Variants in SPDYA observed in about 807,000 individuals in gnomAD.
The protein encoded by SPDYA is speedy protein A.
A neutral mutation model predicts 36.7 loss-of-function variants in SPDYA; 11 were observed. The observed-to-expected ratio is 0.30, with a 90% CI of 0.19 to 0.50. The LOEUF (loss-of-function observed/expected upper bound fraction) is 0.50, where lower values mean the gene tolerates loss of function less well. Among genes scored for constraint, SPDYA ranks in the 20% least tolerant of loss-of-function variants. The pLI, the probability that SPDYA is intolerant of heterozygous loss-of-function variation, is 0.98. For missense variants in SPDYA, 287 were observed against 370.9 expected, an observed-to-expected ratio of 0.77 and a Z score of 1.86; for synonymous variants, 115 against 118.7, an observed-to-expected ratio of 0.97 and a Z score of 0.20.
chr2:28,829,384 T>C (rs1668416195), intron 6 of SPDYA, 65 bp downstream of exon 6: 3 of 1,508,420 alleles, frequency 2.0e-6, no homozygotes, highest in South Asian at 1.3e-5. Flanking sequence ...TATCCTTGTT[T>C]TTTAATGTGC....
At chr2:28,834,568 T>G (rs1668548076) in intron 6 of SPDYA, among the ~76,000 whole-genome samples, 1 of 152,192 alleles carries the variant, frequency 6.6e-6, no homozygotes. Context: ...TGGTTCAAGC[T>G]ACAACGCAGA....
chr2:28,827,295 T>C (rs575450530), intron 5 of SPDYA, among the ~76,000 whole-genome samples: 2 of 151,060 alleles, frequency 1.3e-5, no homozygotes, highest in Admixed American at 1.3e-4. Context: ...ATCATTTATT[T>C]AGACTTATCT....
Position 28,849,841 on chromosome 2 carries a change from T to G in SPDYA, c.851-9T>G, listed in dbSNP as rs948368941. On this transcript the variant is annotated splice_polypyrimidine_tract_variant and intron_variant, in intron 7 of 7. Coordinates refer to ENST00000334056, the MANE Select transcript of SPDYA (RefSeq NM_182756.4). ...TAAAATTTATCTTAAAATGCATATT[T>G]TATTTCAGTAGTCAATGACCATCAA... 6.8e-7 allele frequency: 1 copy of G among 1,473,868 alleles called. No homozygotes were observed. The highest frequency in any genetic ancestry group is 9.3e-7 in the Non-Finnish European group (1 of 1,077,868). 91.3% of individuals were successfully genotyped at this position (1,473,868 alleles called of 1,614,324 possible).
intron 3 of SPDYA, among the ~76,000 whole-genome samples, chr2:28,816,719 CTA>C (rs1667991918): frequency 6.6e-6 from 1 of 152,286 alleles, no homozygotes; most frequent in Non-Finnish European, 1.5e-5. Context: ...TAAAAATTAA[CTA>C]TGCTTTATCA....
At chr2:28,842,623 G>A (rs1437783024) in intron 7 of SPDYA, among the ~76,000 whole-genome samples, 1 of 152,156 alleles carries the variant, frequency 6.6e-6, no homozygotes, top group Non-Finnish European at 1.5e-5. Context: ...TATACAGGAA[G>A]GAACAAGTAT....
At chr2:28,827,873 T>C (rs1432620950) in intron 5 of SPDYA, among the ~76,000 whole-genome samples, 1 of 152,248 alleles carries the variant, frequency 6.6e-6, no homozygotes, top group African/African-American at 2.4e-5. Flanking sequence ...TTACAGTGCA[T>C]TGAAAGAATC....
At chr2:28,812,857 C>CAAAAA (rs70956047) in intron 1 of SPDYA, among the ~76,000 whole-genome samples, 9 of 84,022 alleles carry the variant, frequency 1.1e-4, no homozygotes, top group African/African-American at 3.5e-4. Context: ...AACTCCGTCT[C>CAAAAA]AAAAAAAAAA....
chr2:28,829,039 T>G (rs1346690310), intron 5 of SPDYA, 109 bp from the exon 6 acceptor site: 7 of 858,160 alleles, frequency 8.2e-6, no homozygotes, highest in Non-Finnish European at 1.1e-5. Context: ...TTAATTAACG[T>G]TGAACACCTT....
intron 2 of SPDYA, among the ~76,000 whole-genome samples, chr2:28,815,230 C>A (rs774410652): frequency 6.7e-6 from 1 of 149,288 alleles, no homozygotes; most frequent in Non-Finnish European, 1.5e-5. Context: ...TGCAGTGAGC[C>A]GTAATCATGC....
In SPDYA at chr2:28,811,374, TG is replaced by T. The variant is rs1558318485; in HGVS notation, c.-93+433del. On this transcript the variant is annotated intron_variant, in intron 1 of 7. Coordinates refer to ENST00000334056, the MANE Select transcript of SPDYA (RefSeq NM_182756.4). The surrounding 1 kb of genome is among the most constrained non-coding windows in gnomAD (Gnocchi z 4.2). The stretch of plus-strand genomic sequence containing the variant: ...CTTTATTGTGGGAGGAATGGAGATT[TG>T]GGGGGTCTTTTTGATAAATCCTACC... 6.6e-6 allele frequency among the ~76,000 whole-genome samples: 1 copy of T among 152,144 alleles called. No homozygotes were observed. Among genetic ancestry groups the T allele is most frequent in the East Asian group, 1.9e-4 (1 of 5,186 alleles).
At chr2:28,826,176 A>G (rs1422850431) in intron 5 of SPDYA, among the ~76,000 whole-genome samples, 1 of 151,962 alleles carries the variant, frequency 6.6e-6, no homozygotes, top group Non-Finnish European at 1.5e-5. Flanking sequence ...TTGCTCTGTC[A>G]CCCAGGCTGG....
In SPDYA at chr2:28,850,452, T is replaced by C. The variant is rs1381046512; in HGVS notation, c.*511T>C. The C allele has an allele frequency of 1.5e-6, 2 of 1,300,670 alleles. No individual in the cohort carries two copies. The highest frequency in any genetic ancestry group is 2.1e-6 in the Non-Finnish European group (2 of 931,416). 80.6% of individuals were successfully genotyped at this position (1,300,670 alleles called of 1,614,324 possible). ...ACTATAAGCTACATAAAATATTTTC[T>C]ATTTTTTTCACAAAACTGTTAAAAT... On this transcript the variant is annotated 3_prime_UTR_variant, in exon 8 of 8. Coordinates refer to ENST00000334056, the MANE Select transcript of SPDYA (RefSeq NM_182756.4).
intron 6 of SPDYA, among the ~76,000 whole-genome samples, chr2:28,836,677 T>C (rs1481596246): frequency 6.6e-6 from 1 of 152,182 alleles, no homozygotes; most frequent in Non-Finnish European, 1.5e-5. Context: ...CTCAATGAAA[T>C]TTTTTCCCCT....
At chr2:28,831,291 C>T (rs1399701349) in intron 6 of SPDYA, among the ~76,000 whole-genome samples, 2 of 152,126 alleles carry the variant, frequency 1.3e-5, no homozygotes, top group Non-Finnish European at 2.9e-5. Context: ...CCAGAAGATT[C>T]AGGCTGCAGT....
intron 6 of SPDYA, among the ~76,000 whole-genome samples, chr2:28,837,176 T>C (rs1339361098): frequency 6.6e-6 from 1 of 152,198 alleles, no homozygotes; most frequent in Non-Finnish European, 1.5e-5. Flanking sequence ...CTGCTAAACT[T>C]GCTATAGCTG....
chr2:28,828,114 G>C (rs1668377744), intron 5 of SPDYA, among the ~76,000 whole-genome samples: 1 of 151,830 alleles, frequency 6.6e-6, no homozygotes, highest in African/African-American at 2.4e-5. Context: ...AGCCTCCCAA[G>C]TAGCTGGGAT....
chr2:28,839,453 A>AT (rs1246316289), intron 6 of SPDYA, among the ~76,000 whole-genome samples: 5 of 152,220 alleles, frequency 3.3e-5, no homozygotes, highest in African/African-American at 1.2e-4. Context: ...AATTGCAGAC[A>AT]TTTTAAGATT....
chr2:28,849,523 C>A (rs1162285833), intron 7 of SPDYA, among the ~76,000 whole-genome samples: 1 of 152,230 alleles, frequency 6.6e-6, no homozygotes, highest in Non-Finnish European at 1.5e-5. Flanking sequence ...AACTCCTGAC[C>A]TCAGGTGATC....
rs780151995 is a variant in SPDYA, at chr2:28,813,553, AT to A, written c.-92-1044del. 6.8e-3 allele frequency among the ~76,000 whole-genome samples: 962 copies of A among 141,416 alleles called. 3 individuals carry two copies. The highest frequency in any genetic ancestry group is 7.2e-3 in the Non-Finnish European group (463 of 64,396). 92.8% of individuals were successfully genotyped at this position (141,416 alleles called of 152,430 possible). A position where few individuals can be genotyped will look rare whatever the true frequency, so the allele number is the denominator to read the frequency against. ...GTACTCTTTAGTTTCTTCTATCTAG[AT>A]TTTTTTTTTTTTTTTGAGACGGAGT... is the stretch of plus-strand genomic sequence containing the variant. On this transcript the variant is annotated intron_variant, in intron 1 of 7. Transcript: ENST00000334056.
Sources: allele counts gnomAD v4.1 joint callset (sites outside exome capture counted in the v4.1 genomes callset), GRCh38; gene constraint gnomAD v4.1.1; non-coding constraint Gnocchi (gnomAD v3.1); transcripts MANE v1.5; gene names NCBI Gene and HGNC (gene_info 2026-07-23, HGNC 2026-07-21).